The following ZFP3 variants were observed in gnomAD, a reference collection of about 807,000 sequenced individuals.
ZFP3 encodes the protein zinc finger protein 3 homolog.
A neutral mutation model predicts 36.7 loss-of-function variants in ZFP3; 18 were observed. That is an observed-to-expected ratio of 0.49 (90% CI 0.34 to 0.73). ZFP3 has a LOEUF of 0.73. Ranked by LOEUF, ZFP3 falls within the 30% of genes least tolerant of loss-of-function variation. ZFP3 has a pLI of 0.01. For missense variants in ZFP3, 495 were observed against 599.0 expected (o/e 0.83, Z 1.81); for synonymous variants, 218 against 199.0 (o/e 1.10, Z -0.81).
intron 1 of ZFP3, among the ~76,000 whole-genome samples, chr17:5,087,185 A>T (rs572939122): frequency 2.0e-5 from 3 of 146,526 alleles, no homozygotes; most frequent in African/African-American, 7.7e-5. Flanking sequence ...GGCTCAAGTG[A>T]TCCTCCCACC....
chr17:5,093,152 A>T lies in ZFP3; in HGVS notation c.*139A>T. ...CTCTGTCCTCCCACTGATTTTAAAT[A>T]GTTGGTTGAAGAAGATGAGGCACTT... On this transcript the variant is annotated 3_prime_UTR_variant, in exon 2 of 2. Transcript: ENST00000318833. 1 of 933,966 alleles carries T rather than the reference A, an allele frequency of 1.1e-6. No individual in the cohort carries two copies. Among genetic ancestry groups the T allele is most frequent in the Non-Finnish European group, 1.5e-6 (1 of 658,644 alleles). The allele number at this position is 933,966 out of a possible 1,614,324, so 57.9% of individuals were successfully genotyped here.
intron 1 of ZFP3, among the ~76,000 whole-genome samples, chr17:5,090,249 T>G (rs1371427827): frequency 2.6e-5 from 4 of 152,184 alleles, no homozygotes; most frequent in Non-Finnish European, 5.9e-5. Flanking sequence ...CTCTAGCATA[T>G]ATTAAAAATG....
Position 5,094,542 on chromosome 17 carries a change from C to G in ZFP3, c.*1529C>G, listed in dbSNP as rs1048746664. ...CTAGACCTTGAACAAGGCACTTCAC[C>G]TGCTGGTCTCCAATTTTCTCCTCTG... is the stretch of plus-strand genomic sequence containing the variant. On this transcript the variant is annotated 3_prime_UTR_variant, in exon 2 of 2. Coordinates refer to ENST00000318833, the MANE Select transcript of ZFP3 (RefSeq NM_153018.3). 9.6e-5 allele frequency: 16 copies of G among 167,108 alleles called. No individual in the cohort carries two copies. The highest frequency in any genetic ancestry group is 4.4e-5 in the Non-Finnish European group (3 of 68,126). 10.4% of individuals were successfully genotyped at this position (167,108 alleles called of 1,614,324 possible).
At position 5,094,351 on chromosome 17, in the gene ZFP3, C is replaced by T. The variant is rs1237398279; in HGVS notation, c.*1338C>T. 6.0e-6 allele frequency: 1 copy of T among 167,124 alleles called. No individual in the cohort carries two copies. Among genetic ancestry groups the T allele is most frequent in the Admixed American group, 6.5e-5 (1 of 15,292 alleles). The allele number at this position is 167,124 out of a possible 1,614,324, so 10.4% of individuals were successfully genotyped here. Reference sequence around the variant, plus strand: ...ACAGGTGTGAGCTACCATGCCCGGCCTTGAAATTCTTTCTTCGCTATGTCT... The same window carrying T: ...ACAGGTGTGAGCTACCATGCCCGGCTTTGAAATTCTTTCTTCGCTATGTCT... On this transcript the variant is annotated 3_prime_UTR_variant, in exon 2 of 2. Transcript: ENST00000318833.
At chr17:5,083,692 T>C (rs1462417157) in intron 1 of ZFP3, among the ~76,000 whole-genome samples, 1 of 152,154 alleles carries the variant, frequency 6.6e-6, no homozygotes, top group Non-Finnish European at 1.5e-5. Flanking sequence ...TGGACATTAG[T>C]ATTTTTAACA....
intron 1 of ZFP3, among the ~76,000 whole-genome samples, chr17:5,088,235 C>T (rs1597905636): frequency 6.6e-6 from 1 of 152,144 alleles, no homozygotes; most frequent in Non-Finnish European, 1.5e-5. Context: ...GTGGCACCAC[C>T]GTCCATCTAA....
In ZFP3 at chr17:5,095,813, A is replaced by C. The variant is rs2072178311; in HGVS notation, c.*2800A>C. ...TACCCTCTTAAACCCATTCCTGCTC[A>C]GCAAAACTTCCTCTAGTTCACCATT... On this transcript the variant is annotated 3_prime_UTR_variant, in exon 2 of 2. Transcript: ENST00000318833. 1 of 166,134 alleles carries C rather than the reference A, an allele frequency of 6.0e-6. No individual in the cohort carries two copies. The allele number at this position is 166,134 out of a possible 1,614,324, so 10.3% of individuals were successfully genotyped here. A position where few individuals can be genotyped will look rare whatever the true frequency, so the allele number is the denominator to read the frequency against.
rs1291961214 is a variant in ZFP3 at position 5,082,818 on chromosome 17, T to G, written c.-9+4243T>G. Among the ~76,000 whole-genome samples, 3 of 152,132 alleles carry G rather than the reference T, an allele frequency of 2.0e-5. No individual in the cohort carries two copies. In the South Asian group the frequency reaches 6.2e-4, roughly 31 times the overall value. On this transcript the variant is annotated intron_variant, in intron 1 of 1. Transcript: ENST00000318833. ...GTGCCGGGATTATAGGCGTGCCCAG[T>G]CCCAACAGAATTTTTAAAAGATGTA...
chr17:5,083,487 G>A (rs2072104434), intron 1 of ZFP3, among the ~76,000 whole-genome samples: 1 of 151,458 alleles, frequency 6.6e-6, no homozygotes, highest in Middle Eastern at 3.2e-3. Context: ...AACCCGGAAG[G>A]TGGAGCCAGG....
chr17:5,092,874 C>CAAA lies in ZFP3; in HGVS notation c.1371_1372insAAA (p.Thr457_Phe458insLys), dbSNP rs781620313. 1 of 1,614,132 alleles carries CAAA rather than the reference C, an allele frequency of 6.2e-7. No homozygotes were observed. Among genetic ancestry groups the CAAA allele is most frequent in the South Asian group, 1.1e-5 (1 of 91,086 alleles). On this transcript the variant is annotated inframe_insertion, in exon 2 of 2. Coordinates refer to ENST00000318833, the MANE Select transcript of ZFP3 (RefSeq NM_153018.3). This position sits in a 1 kb window ranked among gnomAD's most constrained non-coding sequence, Gnocchi z 5.0. ...TATGAATGTAGCGAGTGTGAGAAAACATTTAGCCAGCATTCCCAACTTATC... is the reference window on the plus strand; with the variant it reads ...TATGAATGTAGCGAGTGTGAGAAAACAAAATTTAGCCAGCATTCCCAACTTATC...
At position 5,092,259 on chromosome 17, in the gene ZFP3, C is replaced by T. The variant is rs2072154200; in HGVS notation, c.755C>T (p.Pro252Leu). 6.2e-7 allele frequency: 1 copy of T among 1,614,134 alleles called. No homozygotes were observed. The highest frequency in any genetic ancestry group is 1.7e-5 in the Admixed American group (1 of 60,024). The change falls in exon 2 of 2, where the codon CCA becomes CTA. Residue 252 changes from proline to leucine, a missense_variant. Transcript: ENST00000318833. This position sits in a 1 kb window ranked among gnomAD's most constrained non-coding sequence, Gnocchi z 5.0. ...LHQRIHTGEK[P>L]YECNECGKTF... Reference sequence around the variant, plus strand: ...CAGAGAATCCATACTGGAGAGAAACCATATGAATGTAATGAATGTGGGAAG... The same window carrying T: ...CAGAGAATCCATACTGGAGAGAAACTATATGAATGTAATGAATGTGGGAAG...
chr17:5,091,044 C>T (rs1023743610), intron 1 of ZFP3, among the ~76,000 whole-genome samples: 1 of 152,232 alleles, frequency 6.6e-6, no homozygotes, highest in Non-Finnish European at 1.5e-5. Context: ...TTTCTTTAAT[C>T]ACCTTCAGGT....
chr17:5,092,274 A>C lies in ZFP3; in HGVS notation c.770A>C (p.Glu257Ala). 6.2e-7 allele frequency: 1 copy of C among 1,614,044 alleles called. No homozygotes were observed. Among genetic ancestry groups the C allele is most frequent in the East Asian group, 2.2e-5 (1 of 44,894 alleles). Residue 257 changes from glutamate (E) to alanine (A), a missense_variant, in exon 2 of 2, where the codon GAA (glutamate) becomes GCA (alanine). Around this residue, in one of 3 missense-constraint regions of ZFP3, gnomAD observed 103 missense variants for 186.8 expected, o/e 0.55. Coordinates refer to ENST00000318833, the MANE Select transcript of ZFP3 (RefSeq NM_153018.3). This position sits in a 1 kb window ranked among gnomAD's most constrained non-coding sequence, Gnocchi z 5.0. ...HTGEKPYECN[E>A]CGKTFRVSSQ... ...GGAGAGAAACCATATGAATGTAATGAATGTGGGAAGACCTTTAGGGTTAGT... is the reference window on the plus strand; with the variant it reads ...GGAGAGAAACCATATGAATGTAATGCATGTGGGAAGACCTTTAGGGTTAGT...
intron 1 of ZFP3, among the ~76,000 whole-genome samples, chr17:5,086,077 AAGG>A (rs1460285279): frequency 6.6e-6 from 1 of 152,252 alleles, no homozygotes; most frequent in Non-Finnish European, 1.5e-5. Context: ...TTTCAACAAA[AAGG>A]AGAAGTACAG....
At chr17:5,082,447 G>C (rs1306127529) in intron 1 of ZFP3, among the ~76,000 whole-genome samples, 1 of 152,190 alleles carries the variant, frequency 6.6e-6, no homozygotes, top group Non-Finnish European at 1.5e-5. Flanking sequence ...CCTCTAGCGT[G>C]CCATACAGAG....
intron 1 of ZFP3, 44 bp from the exon 2 acceptor site, chr17:5,091,453 A>G: frequency 6.4e-7 from 1 of 1,560,324 alleles, no homozygotes; most frequent in Admixed American, 1.8e-5. Context: ...AGCTTCATTT[A>G]AATATGATAC....
chr17:5,082,228 TC>T (rs1362165776), intron 1 of ZFP3, among the ~76,000 whole-genome samples: 1 of 151,690 alleles, frequency 6.6e-6, no homozygotes, highest in East Asian at 2.0e-4. Flanking sequence ...GCGTGTGTAA[TC>T]CCAGCTACTA....
At position 5,078,657 on chromosome 17, in the gene ZFP3, CGT is replaced by C. The variant is rs1309549520; in HGVS notation, c.-9+83_-9+84del. On this transcript the variant is annotated intron_variant, in intron 1 of 1. Coordinates refer to ENST00000318833, the MANE Select transcript of ZFP3 (RefSeq NM_153018.3). This position sits in a 1 kb window ranked among gnomAD's most constrained non-coding sequence, Gnocchi z 4.5. ...CCTAGAGAGCCGAGCGGAAACCCTACGTTTAGGCCCGTTCTGACCGGGGTTCG... is the reference window on the plus strand; with the variant it reads ...CCTAGAGAGCCGAGCGGAAACCCTACTTAGGCCCGTTCTGACCGGGGTTCG... The C allele has an allele frequency of 1.3e-5, 2 of 152,326 alleles. No homozygotes were observed. The highest frequency in any genetic ancestry group is 2.4e-5 in the African/African-American group (1 of 41,454). 9.4% of individuals were successfully genotyped at this position (152,326 alleles called of 1,614,324 possible). A position where few individuals can be genotyped will look rare whatever the true frequency, so the allele number is the denominator to read the frequency against.
rs62074218 is a variant in ZFP3, at chr17:5,094,048, G to A, written c.*1035G>A. On this transcript the variant is annotated 3_prime_UTR_variant, in exon 2 of 2. Transcript: ENST00000318833. ...ACAGGACTGTGGCTTCACCTCCTCC[G>A]GGCACCTGGCTACAGTGATGAGTCA... 6.8e-4 allele frequency: 114 copies of A among 167,150 alleles called. No individual in the cohort carries two copies. The highest frequency in any genetic ancestry group is 1.1e-3 in the Non-Finnish European group (72 of 68,174). 10.4% of individuals were successfully genotyped at this position (167,150 alleles called of 1,614,324 possible). A position where few individuals can be genotyped will look rare whatever the true frequency, so the allele number is the denominator to read the frequency against.
Sources: allele counts gnomAD v4.1 joint callset (sites outside exome capture counted in the v4.1 genomes callset), GRCh38; gene constraint gnomAD v4.1.1; regional missense constraint gnomAD v4.1.1; non-coding constraint Gnocchi (gnomAD v3.1); transcripts MANE v1.5; gene names NCBI Gene and HGNC (gene_info 2026-07-23, HGNC 2026-07-21).